ZFYVE9: variants seen among roughly 807,000 people sequenced by gnomAD.
ZFYVE9 encodes zinc finger FYVE-type containing 9.
ZFYVE9 carries 43 observed loss-of-function variants against 126.7 expected under a neutral mutation model. The observed-to-expected ratio is 0.34, with a 90% CI of 0.27 to 0.44. ZFYVE9 has a LOEUF of 0.44. ZFYVE9 is among the 20% of genes least tolerant of loss of function. The pLI is 1.00. For synonymous variants in ZFYVE9, 521 were observed against 597.4 expected, an observed-to-expected ratio of 0.87 and a Z score of 1.87; for missense variants, 1,476 against 1,697.0, an observed-to-expected ratio of 0.87 and a Z score of 2.29.
chr1:52,282,055 T>C (rs1264247786), intron 10 of ZFYVE9, among the ~76,000 whole-genome samples: 1 of 152,218 alleles, frequency 6.6e-6, no homozygotes, highest in Non-Finnish European at 1.5e-5. Flanking sequence ...GACCTAAATG[T>C]AAGAATATTT....
intron 2 of ZFYVE9, 147 bp downstream of exon 2, chr1:52,216,621 T>G: frequency 2.5e-6 from 1 of 394,530 alleles, no homozygotes; most frequent in Non-Finnish European, 4.5e-6. Context: ...TTCAAAAAGA[T>G]TTGACTTAAA....
At chr1:52,316,811 A>G (rs1486360116) in intron 13 of ZFYVE9, among the ~76,000 whole-genome samples, 2 of 152,230 alleles carry the variant, frequency 1.3e-5, no homozygotes, top group African/African-American at 2.4e-5. Flanking sequence ...CAGCGGGACT[A>G]TGGAAAACTT....
chr1:52,188,736 G>T (rs11587003), intron 1 of ZFYVE9, among the ~76,000 whole-genome samples: 23,947 of 151,930 alleles, frequency 0.16, 2,447 homozygotes, highest in Non-Finnish European at 0.22. Flanking sequence ...CAATGTTAAG[G>T]TCAGGCGGAT....
intron 1 of ZFYVE9, among the ~76,000 whole-genome samples, chr1:52,183,003 T>C (rs534172592): frequency 6.6e-6 from 1 of 152,340 alleles, no homozygotes; most frequent in South Asian, 2.1e-4. Context: ...AAGTCATTGA[T>C]GACCTTAGGT....
At chr1:52,307,101 A>G (rs1009884497) in intron 13 of ZFYVE9, among the ~76,000 whole-genome samples, 3 of 152,220 alleles carry the variant, frequency 2.0e-5, no homozygotes, top group Admixed American at 6.5e-5. Flanking sequence ...TAACAGTTAG[A>G]TGATCAGATG....
chr1:52,255,969 T>C lies in ZFYVE9; in HGVS notation c.2179-7804T>C, dbSNP rs1469437195. Among the ~76,000 whole-genome samples, 609 of 86,676 alleles carry C rather than the reference T, an allele frequency of 7.0e-3. 11 individuals carry two copies. The highest frequency in any genetic ancestry group is 0.03 in the African/African-American group (498 of 16,438). The allele number at this position is 86,676 out of a possible 152,430, so 56.9% of individuals were successfully genotyped here. A position where few individuals can be genotyped will look rare whatever the true frequency, so the allele number is the denominator to read the frequency against. On this transcript the variant is annotated intron_variant, in intron 4 of 18. Coordinates refer to ENST00000287727, the MANE Select transcript of ZFYVE9 (RefSeq NM_004799.4). ...TTTTCTTTTCTTTTCTTTTCTTTTCTTTCTTTCTTTCTTTCCTTCCTTCCT... is the reference window on the plus strand; with the variant it reads ...TTTTCTTTTCTTTTCTTTTCTTTTCCTTCTTTCTTTCTTTCCTTCCTTCCT...
rs2124499450 is a variant in ZFYVE9 at position 52,153,801 on chromosome 1, T to G, written c.-143+11398T>G. ...CTTCTAACTCCGTAGAGCCCCACAT[T>G]GCAGAGATGGGAAGCACAAAGTAGA... On this transcript the variant is annotated intron_variant, in intron 1 of 18. Coordinates refer to ENST00000287727, the MANE Select transcript of ZFYVE9 (RefSeq NM_004799.4). Among the ~76,000 whole-genome samples the G allele has an allele frequency of 2.0e-5, 3 of 152,294 alleles. No homozygotes were observed. In the East Asian group the frequency reaches 5.8e-4, roughly 29 times the overall value.
At chr1:52,306,944 A>G (rs917883215) in intron 13 of ZFYVE9, among the ~76,000 whole-genome samples, 1 of 152,170 alleles carries the variant, frequency 6.6e-6, no homozygotes, top group Non-Finnish European at 1.5e-5. Context: ...CTTGACAGAC[A>G]TGGGATCCAG....
chr1:52,227,367 C>CTCTT (rs56294965), intron 2 of ZFYVE9, among the ~76,000 whole-genome samples: 1 of 151,830 alleles, frequency 6.6e-6, no homozygotes. Context: ...CAGGCGTTGC[C>CTCTT]TAAGGAAGTT....
At chr1:52,252,548 A>G (rs1295827296) in intron 4 of ZFYVE9, 2 of 179,052 alleles carry the variant, frequency 1.1e-5, no homozygotes, top group African/African-American at 4.8e-5. Flanking sequence ...TTTAGTACAG[A>G]CGAGTTTTAC....
Position 52,278,541 on chromosome 1 carries a change from G to A in ZFYVE9, c.2796G>A (p.Leu932=). The change falls in exon 9 of 19, where the codon TTG becomes TTA. Residue 932 remains leucine (L), a synonymous_variant. Transcript: ENST00000287727. ...KPSQISVMQQ[L]EDGGPDPLVF... is the part of the protein sequence containing the mutation. Reference sequence around the variant, plus strand: ...CACAGATTTCAGTAATGCAGCAGTTGGAGGATGGTGGCCCTGACCCACTTG... The same window carrying A: ...CACAGATTTCAGTAATGCAGCAGTTAGAGGATGGTGGCCCTGACCCACTTG... 6.2e-7 allele frequency: 1 copy of A among 1,613,736 alleles called. No homozygotes were observed. The highest frequency in any genetic ancestry group is 8.5e-7 in the Non-Finnish European group (1 of 1,179,756).
At chr1:52,298,730 C>A (rs1435822080) in intron 12 of ZFYVE9, among the ~76,000 whole-genome samples, 4 of 150,612 alleles carry the variant, frequency 2.7e-5, no homozygotes, top group Non-Finnish European at 5.9e-5. Flanking sequence ...TCTGTAGATA[C>A]CTTTGGGTAG....
intron 10 of ZFYVE9, among the ~76,000 whole-genome samples, chr1:52,289,993 A>G (rs923751412): frequency 6.6e-6 from 1 of 152,124 alleles, no homozygotes. Flanking sequence ...AAGCCAACAT[A>G]TTTTTCACCT....
chr1:52,337,965 T>G, intron 16 of ZFYVE9, 31 bp downstream of exon 16: 1 of 1,605,300 alleles, frequency 6.2e-7, no homozygotes, highest in South Asian at 1.1e-5. Context: ...CCTTTGTGGC[T>G]TTTAGTTATA....
rs981453666 is a variant in ZFYVE9, at chr1:52,337,872, G to A, written c.3771G>A (p.Ala1257=). The part of the protein sequence containing the change: ...DFTITCGKAD[A]EEPQEHIHIQ... ...CCATCACCTGTGGGAAGGCGGACGC[G>A]GAGGAACCCCAGGAGCACATCCACA... The change falls in exon 16 of 19, where the codon GCG becomes GCA. Residue 1257 remains alanine (A), a synonymous_variant. Coordinates refer to ENST00000287727, the MANE Select transcript of ZFYVE9 (RefSeq NM_004799.4). 3.7e-6 allele frequency: 6 copies of A among 1,614,086 alleles called. No individual in the cohort carries two copies. Among genetic ancestry groups the A allele is most frequent in the African/African-American group, 2.7e-5 (2 of 74,942 alleles).
At chr1:52,326,183 T>C (rs1400816771) in intron 13 of ZFYVE9, among the ~76,000 whole-genome samples, 1 of 152,242 alleles carries the variant, frequency 6.6e-6, no homozygotes, top group Non-Finnish European at 1.5e-5. Context: ...TGCCTTTTAC[T>C]GGTATGTCAT....
At chr1:52,307,289 G>A (rs911015416) in intron 13 of ZFYVE9, among the ~76,000 whole-genome samples, 2 of 152,070 alleles carry the variant, frequency 1.3e-5, no homozygotes, top group African/African-American at 2.4e-5. Flanking sequence ...AGGCTGGAGT[G>A]CAGTGGCACA....
At chr1:52,175,176 A>G (rs1237990548) in intron 1 of ZFYVE9, among the ~76,000 whole-genome samples, 1 of 151,736 alleles carries the variant, frequency 6.6e-6, no homozygotes, top group African/African-American at 2.4e-5. Context: ...TGCTTCCTTC[A>G]GGAGCTCTTT....
intron 10 of ZFYVE9, among the ~76,000 whole-genome samples, chr1:52,285,655 G>T (rs1415963673): frequency 6.6e-6 from 1 of 152,128 alleles, no homozygotes; most frequent in Admixed American, 6.5e-5. Flanking sequence ...AGGAAAACAA[G>T]CTCAGGGATC....
Sources: gnomAD v4.1 joint callset for allele counts (sites outside exome capture counted in the v4.1 genomes callset) on GRCh38, gnomAD v4.1.1 for gene constraint, MANE v1.5 for transcripts, NCBI Gene and HGNC (gene_info 2026-07-23, HGNC 2026-07-21) for gene names.